The following NFIA variants were observed in gnomAD, a reference collection of about 807,000 sequenced individuals.
The protein encoded by NFIA is nuclear factor I A.
Under a neutral mutation model 62.8 loss-of-function variants are expected in NFIA, and 8 were observed. The ratio of observed to expected loss-of-function variants is 0.13; its 90% CI spans 0.07 to 0.23. The LOEUF (loss-of-function observed/expected upper bound fraction) is 0.23. Among genes scored for constraint, NFIA ranks in the 10% least tolerant of loss-of-function variants. NFIA has a pLI of 1.00. For missense variants in NFIA, 410 were observed against 642.1 expected (o/e 0.64, Z 3.91); for synonymous variants, 235 against 238.1 (o/e 0.99, Z 0.12).
intron 5 of NFIA, among the ~76,000 whole-genome samples, chr1:61,353,272 A>AT (rs1186356282): frequency 2.0e-5 from 3 of 152,196 alleles, no homozygotes; most frequent in Non-Finnish European, 4.4e-5. Flanking sequence ...CACAGACCCC[A>AT]TTGTATTGAG....
At position 61,082,696 on chromosome 1, in the gene NFIA, C is replaced by CTT. The variant is rs1317810032; in HGVS notation, c.-95_-94dup. ...CTTCTCTCTCTCTCTCTCTCTCTCT[C>CTT]TTCCTCTCTCCCTCTTTCTCCTCTC... On this transcript the variant is annotated 5_prime_UTR_variant, in exon 1 of 11. Transcript: ENST00000403491. The CTT allele has an allele frequency of 6.5e-6, 10 of 1,530,494 alleles. No homozygotes were observed. In the Admixed American group the frequency reaches 1.4e-4, roughly 22 times the overall value. The allele number at this position is 1,530,494 out of a possible 1,614,324, so 94.8% of individuals were successfully genotyped here. A position where few individuals can be genotyped will look rare whatever the true frequency, so the allele number is the denominator to read the frequency against.
Position 61,168,277 on chromosome 1 carries a change from C to T in NFIA, c.559+79597C>T, listed in dbSNP as rs140097964. 9.1e-3 allele frequency among the ~76,000 whole-genome samples: 1,390 copies of T among 152,242 alleles called. 17 individuals carry two copies. The highest frequency in any genetic ancestry group is 0.061 in the Middle Eastern group (18 of 294). On this transcript the variant is annotated intron_variant, in intron 2 of 10. Coordinates refer to ENST00000403491, the MANE Select transcript of NFIA (RefSeq NM_001134673.4). ...GCTTCTGTGGAAGTGCAAGCATTGA[C>T]TTATGTTTACATTATTTTTCTAAAG...
At chr1:61,247,537 C>T (rs992163683) in intron 2 of NFIA, among the ~76,000 whole-genome samples, 1 of 152,166 alleles carries the variant, frequency 6.6e-6, no homozygotes, top group Non-Finnish European at 1.5e-5. Flanking sequence ...CAGCTCCCCA[C>T]CTGGCACGGT....
intron 9 of NFIA, among the ~76,000 whole-genome samples, chr1:61,416,473 G>A (rs1666352276): frequency 1.3e-5 from 2 of 152,106 alleles, no homozygotes; most frequent in South Asian, 2.1e-4. Flanking sequence ...CTCACAGAGA[G>A]CATGGGGTTC....
chr1:61,096,712 C>A (rs1435957834), intron 2 of NFIA, among the ~76,000 whole-genome samples: 1 of 151,810 alleles, frequency 6.6e-6, no homozygotes, highest in Non-Finnish European at 1.5e-5. Flanking sequence ...ACCACCACGC[C>A]AGGCTAATTT....
At chr1:61,264,293 C>A (rs1284364768) in intron 2 of NFIA, among the ~76,000 whole-genome samples, 1 of 152,058 alleles carries the variant, frequency 6.6e-6, no homozygotes, top group Admixed American at 6.6e-5. Flanking sequence ...ACAGTCCTCC[C>A]AGCAAACATG....
At chr1:61,335,616 G>T (rs1019844113) in intron 4 of NFIA, among the ~76,000 whole-genome samples, 1 of 152,214 alleles carries the variant, frequency 6.6e-6, no homozygotes, top group Admixed American at 6.5e-5. Flanking sequence ...GCCAAGGCGG[G>T]TGGATCACCT....
At chr1:61,280,428 A>C (rs1476729857) in intron 3 of NFIA, among the ~76,000 whole-genome samples, 1 of 143,364 alleles carries the variant, frequency 7.0e-6, no homozygotes, top group Non-Finnish European at 1.5e-5. Flanking sequence ...GGAATTCATT[A>C]CTTCACATAT....
chr1:61,090,038 C>T, intron 2 of NFIA, among the ~76,000 whole-genome samples: 1 of 152,146 alleles, frequency 6.6e-6, no homozygotes, highest in Non-Finnish European at 1.5e-5. Flanking sequence ...TTGCCTTTTG[C>T]TTTAGCCAAT....
chr1:61,391,007 T>C (rs1027564970), intron 7 of NFIA, among the ~76,000 whole-genome samples: 2 of 152,152 alleles, frequency 1.3e-5, no homozygotes, highest in African/African-American at 4.8e-5. Flanking sequence ...AGGCATGGCA[T>C]GTTTAAGTGC....
At chr1:61,452,254 AATTATTATT>A (rs57519983) in intron 10 of NFIA, among the ~76,000 whole-genome samples, 26 of 148,214 alleles carry the variant, frequency 1.8e-4, no homozygotes, top group African/African-American at 4.7e-4. Flanking sequence ...GAGATGTATG[AATTATTATT>A]ATTATTATTA....
intron 9 of NFIA, among the ~76,000 whole-genome samples, chr1:61,414,469 T>A (rs1173607757): frequency 1.3e-5 from 2 of 152,148 alleles, no homozygotes; most frequent in Non-Finnish European, 2.9e-5. Context: ...AACCTAGAGC[T>A]CATAGGCTTG....
intron 2 of NFIA, among the ~76,000 whole-genome samples, chr1:61,101,705 C>G (rs975507253): frequency 6.6e-6 from 1 of 152,066 alleles, no homozygotes; most frequent in Non-Finnish European, 1.5e-5. Context: ...TTAGCAGTCT[C>G]GAGACTTTTA....
chr1:61,273,077 C>A (rs928246593), intron 2 of NFIA, among the ~76,000 whole-genome samples: 1 of 152,120 alleles, frequency 6.6e-6, no homozygotes, highest in African/African-American at 2.4e-5. Context: ...TGTTGATGGA[C>A]CAGGAATGAC....
At chr1:61,219,379 T>TA (rs1653857916) in intron 2 of NFIA, among the ~76,000 whole-genome samples, 1 of 152,084 alleles carries the variant, frequency 6.6e-6, no homozygotes, top group African/African-American at 2.4e-5. Flanking sequence ...TAGTTAGGCT[T>TA]AAAACTATCT....
At chr1:61,341,056 C>A (rs912882926) in intron 4 of NFIA, among the ~76,000 whole-genome samples, 1 of 139,824 alleles carries the variant, frequency 7.2e-6, no homozygotes, top group African/African-American at 2.8e-5. Context: ...TCTGTACCGG[C>A]ATTCTTTTTT....
intron 4 of NFIA, among the ~76,000 whole-genome samples, chr1:61,333,745 C>T (rs1214778505): frequency 6.6e-6 from 1 of 152,180 alleles, no homozygotes; most frequent in Admixed American, 6.5e-5. Context: ...CGCTTGTAAT[C>T]CCAGCACTTT....
intron 10 of NFIA, among the ~76,000 whole-genome samples, chr1:61,427,516 C>G (rs1666922114): frequency 6.6e-6 from 1 of 152,184 alleles, no homozygotes; most frequent in African/African-American, 2.4e-5. Context: ...CTCCAGATGC[C>G]TAATTTATAA....
chr1:61,432,605 A>G (rs2100562404), intron 10 of NFIA, among the ~76,000 whole-genome samples: 1 of 150,830 alleles, frequency 6.6e-6, no homozygotes, highest in Non-Finnish European at 1.5e-5. Context: ...ATATATATAT[A>G]TATATACACA....
Sources: allele counts gnomAD v4.1 joint callset (sites outside exome capture counted in the v4.1 genomes callset), GRCh38; gene constraint gnomAD v4.1.1; transcripts MANE v1.5; gene names NCBI Gene and HGNC (gene_info 2026-07-23, HGNC 2026-07-21).